TBL1XR1: variants seen among roughly 807,000 people sequenced by gnomAD.
The protein encoded by TBL1XR1 is F-box-like/WD repeat-containing protein TBL1XR1.
A neutral mutation model predicts 66.9 loss-of-function variants in TBL1XR1; 5 were observed. The observed-to-expected ratio is 0.07, with a 90% CI of 0.04 to 0.16. The LOEUF (loss-of-function observed/expected upper bound fraction) is 0.16, where lower values mean the gene tolerates loss of function less well. Ranked by LOEUF, TBL1XR1 falls within the 10% of genes least tolerant of loss-of-function variation. The pLI, the probability that TBL1XR1 is intolerant of heterozygous loss-of-function variation, is 1.00. For synonymous variants in TBL1XR1, 210 were observed against 206.0 expected, an observed-to-expected ratio of 1.02 and a Z score of -0.17; for missense variants, 238 against 623.2, an observed-to-expected ratio of 0.38 and a Z score of 6.58.
intron 1 of TBL1XR1, among the ~76,000 whole-genome samples, chr3:177,126,976 T>C (rs1727714479): frequency 6.6e-6 from 1 of 152,192 alleles, no homozygotes; most frequent in Non-Finnish European, 1.5e-5. Flanking sequence ...AAACCCAGTT[T>C]CAGCAAAAAC....
chr3:177,130,793 A>G (rs755870335), intron 1 of TBL1XR1, among the ~76,000 whole-genome samples: 4 of 152,238 alleles, frequency 2.6e-5, no homozygotes, highest in Non-Finnish European at 5.9e-5. Context: ...TTAACTCCTC[A>G]GAAAAGGTCC....
At chr3:177,157,454 A>C (rs1050968144) in intron 1 of TBL1XR1, among the ~76,000 whole-genome samples, 4 of 152,148 alleles carry the variant, frequency 2.6e-5, no homozygotes, top group Admixed American at 1.3e-4. Flanking sequence ...TTAGTATATA[A>C]TACTATAAAA....
At chr3:177,201,135 G>A (rs920499908), upstream of TBL1XR1, among the ~76,000 whole-genome samples, 5 of 150,914 alleles carry the variant, frequency 3.3e-5, no homozygotes, top group Admixed American at 6.6e-5. Context: ...TTGTTTTGCC[G>A]GGTGCAGTGG....
intron 7 of TBL1XR1, among the ~76,000 whole-genome samples, chr3:177,048,200 G>A (rs1252556946): frequency 1.3e-5 from 2 of 152,132 alleles, no homozygotes; most frequent in Non-Finnish European, 2.9e-5. Context: ...TTACCAGGAG[G>A]AAAAGTCCAT....
chr3:177,135,262 A>G (rs907788301), intron 1 of TBL1XR1, among the ~76,000 whole-genome samples: 15 of 142,558 alleles, frequency 1.1e-4, no homozygotes, highest in Admixed American at 9.8e-4. Context: ...TCGGCCTCCA[A>G]AAGTGCTGGG....
At chr3:177,176,488 GTTAA>G (rs1290490224) in intron 1 of TBL1XR1, among the ~76,000 whole-genome samples, 37 of 150,898 alleles carry the variant, frequency 2.5e-4, no homozygotes, top group Admixed American at 6.6e-5. Context: ...TGAGCCACTG[GTTAA>G]TTTTCTTAAA....
At chr3:177,045,622 A>G (rs1010185560) in intron 10 of TBL1XR1, among the ~76,000 whole-genome samples, 1 of 152,158 alleles carries the variant, frequency 6.6e-6, no homozygotes, top group Admixed American at 6.6e-5. Context: ...CCTGTAGACA[A>G]ATACTCAGGT....
At chr3:177,182,773 G>A (rs1037128635) in intron 1 of TBL1XR1, among the ~76,000 whole-genome samples, 11 of 152,184 alleles carry the variant, frequency 7.2e-5, no homozygotes, top group African/African-American at 2.2e-4. Context: ...GAAGCCTAAT[G>A]CTTAATCTTC....
intron 1 of TBL1XR1, among the ~76,000 whole-genome samples, chr3:177,188,088 C>T (rs1735668614): frequency 6.6e-6 from 1 of 151,840 alleles, no homozygotes; most frequent in African/African-American, 2.4e-5. Context: ...CATGCCACCA[C>T]ACCCGGCTAA....
chr3:177,073,858 C>T (rs1720352953), intron 2 of TBL1XR1, among the ~76,000 whole-genome samples: 1 of 152,156 alleles, frequency 6.6e-6, no homozygotes, highest in African/African-American at 2.4e-5. Context: ...GTTTGTTTTG[C>T]CCAGACTCAT....
At chr3:177,155,798 T>C (rs949911125) in intron 1 of TBL1XR1, among the ~76,000 whole-genome samples, 3 of 151,992 alleles carry the variant, frequency 2.0e-5, no homozygotes, top group Admixed American at 6.6e-5. Context: ...TCCCCTGAGG[T>C]CAGGAGTTCG....
intron 2 of TBL1XR1, among the ~76,000 whole-genome samples, chr3:177,088,968 T>A (rs1440952024): frequency 1.3e-5 from 2 of 152,222 alleles, no homozygotes; most frequent in African/African-American, 4.8e-5. Flanking sequence ...TTATGGATGC[T>A]ACATTTATAA....
intron 1 of TBL1XR1, among the ~76,000 whole-genome samples, chr3:177,176,260 T>A (rs1481874277): frequency 6.6e-6 from 1 of 151,610 alleles, no homozygotes; most frequent in African/African-American, 2.4e-5. Context: ...AGTGGTGCGA[T>A]CTCGGCTCAC....
intron 3 of TBL1XR1, among the ~76,000 whole-genome samples, chr3:177,063,243 T>C (rs1445089360): frequency 2.0e-5 from 3 of 152,216 alleles, no homozygotes; most frequent in Non-Finnish European, 4.4e-5. Context: ...CAAGTATCAA[T>C]TTGTGGACTT....
chr3:177,164,758 A>T (rs768257496), intron 1 of TBL1XR1, among the ~76,000 whole-genome samples: 1 of 152,190 alleles, frequency 6.6e-6, no homozygotes, highest in Non-Finnish European at 1.5e-5. Flanking sequence ...TACTACCCAA[A>T]GTTATCTGCA....
intron 1 of TBL1XR1, among the ~76,000 whole-genome samples, chr3:177,192,247 G>T (rs1278267213): frequency 1.3e-5 from 2 of 151,856 alleles, no homozygotes; most frequent in African/African-American, 4.8e-5. Flanking sequence ...TTAGCTGGGC[G>T]TGGTGGCGCA....
intron 2 of TBL1XR1, among the ~76,000 whole-genome samples, chr3:177,094,046 C>T (rs1383718121): frequency 6.6e-6 from 1 of 152,138 alleles, no homozygotes; most frequent in Non-Finnish European, 1.5e-5. Flanking sequence ...AGACAACCCA[C>T]AGAGTGAGAG....
chr3:177,115,570 A>G (rs751041180), intron 1 of TBL1XR1, among the ~76,000 whole-genome samples: 7 of 151,936 alleles, frequency 4.6e-5, no homozygotes, highest in Non-Finnish European at 8.8e-5. Context: ...AAATCTCTCT[A>G]TGCTGCCTAC....
chr3:177,110,742 G>A, intron 1 of TBL1XR1: 1 of 152,122 alleles, frequency 6.6e-6, no homozygotes, highest in East Asian at 1.9e-4. Flanking sequence ...GGAAGGAGTG[G>A]TCAGAACTTA....
Sources: allele counts gnomAD v4.1 joint callset (sites outside exome capture counted in the v4.1 genomes callset), GRCh38; gene constraint gnomAD v4.1.1; transcripts MANE v1.5; gene names NCBI Gene and HGNC (gene_info 2026-07-23, HGNC 2026-07-21).